The following SLC2A9 variants were observed in gnomAD, a reference collection of about 807,000 sequenced individuals.
SLC2A9 encodes solute carrier family 2, facilitated glucose transporter member 9.
In SLC2A9, 39 loss-of-function variants were observed where a neutral mutation model predicts 50.6. The ratio of observed to expected loss-of-function variants is 0.77; its 90% CI spans 0.60 to 1.01. The LOEUF (loss-of-function observed/expected upper bound fraction) is 1.01. SLC2A9 is among the 50% of genes least tolerant of loss of function. The probability of loss-of-function intolerance (pLI) is 0.00; values close to 1 mark genes in which losing one functional copy is unlikely to be tolerated. For synonymous variants in SLC2A9, 324 were observed against 276.9 expected, an observed-to-expected ratio of 1.17 and a Z score of -1.69; for missense variants, 686 against 677.6, an observed-to-expected ratio of 1.01 and a Z score of -0.14.
chr4:9,842,284 G>T (rs1428596169), intron 10 of SLC2A9, among the ~76,000 whole-genome samples: 1 of 152,152 alleles, frequency 6.6e-6, no homozygotes, highest in Non-Finnish European at 1.5e-5. Context: ...TAGGTGTGTA[G>T]GTGCTGCTCA....
At chr4:9,931,512 T>G (rs898638140) in intron 6 of SLC2A9, among the ~76,000 whole-genome samples, 1 of 152,122 alleles carries the variant, frequency 6.6e-6, no homozygotes, top group South Asian at 2.1e-4. Context: ...CCAGGCTTTG[T>G]GCGAGGTGTC....
At position 9,788,480 on chromosome 4, in the gene SLC2A9, C is replaced by A. The variant is rs559459388; in HGVS notation, n.386-8415G>T. Among the ~76,000 whole-genome samples the A allele has an allele frequency of 1.6e-4, 25 of 151,928 alleles. No homozygotes were observed. In the South Asian group the frequency reaches 2.7e-3, roughly 16 times the overall value. On this transcript the variant is annotated intron_variant and non_coding_transcript_variant, in intron 3 of 3. Coordinates refer to the SLC2A9 transcript ENST00000503803. ...TCCTGGGATTTACAGGCTTGAGTCA[C>A]CATGCCCAGCCCGGGTTTCTAGTTT...
intron 7 of SLC2A9, among the ~76,000 whole-genome samples, chr4:9,919,815 C>T: frequency 6.6e-6 from 1 of 152,202 alleles, no homozygotes; most frequent in Non-Finnish European, 1.5e-5. Context: ...CTCTGCCTCC[C>T]TAAGTCTCCA....
chr4:9,844,104 G>T (rs1728523783), intron 10 of SLC2A9, among the ~76,000 whole-genome samples: 1 of 133,214 alleles, frequency 7.5e-6, no homozygotes. Flanking sequence ...AGAGGGAAAT[G>T]TATTTGCTCA....
intron 6 of SLC2A9, among the ~76,000 whole-genome samples, chr4:9,923,316 T>C (rs1257892881): frequency 6.6e-6 from 1 of 152,222 alleles, no homozygotes; most frequent in African/African-American, 2.4e-5. Flanking sequence ...AATGACTCAG[T>C]GAGTTTAGGT....
chr4:10,024,931 T>C (rs1204972040), upstream of SLC2A9, among the ~76,000 whole-genome samples: 4 of 152,356 alleles, frequency 2.6e-5, no homozygotes, highest in African/African-American at 9.6e-5. Context: ...ACTCACCTAA[T>C]GTAAGCACCA....
intron 10 of SLC2A9, among the ~76,000 whole-genome samples, chr4:9,839,859 A>G (rs1727752346): frequency 1.3e-5 from 2 of 152,138 alleles, no homozygotes; most frequent in African/African-American, 4.8e-5. Flanking sequence ...CAGGAAAAAT[A>G]TTAATAACAA....
chr4:9,929,252 C>T (rs1336459261), intron 6 of SLC2A9, among the ~76,000 whole-genome samples: 1 of 152,258 alleles, frequency 6.6e-6, no homozygotes, highest in Non-Finnish European at 1.5e-5. Context: ...GGCAGTGACA[C>T]TGGATGCCCT....
intron 4 of SLC2A9, 47 bp from the exon 5 acceptor site, chr4:9,980,784 G>A (rs1470797695): frequency 6.2e-7 from 1 of 1,613,454 alleles, no homozygotes. Context: ...TCTTCCCGGG[G>A]GAGCTGCACT....
At chr4:9,952,059 CTGAA>C (rs1750386603) in intron 5 of SLC2A9, among the ~76,000 whole-genome samples, 1 of 152,200 alleles carries the variant, frequency 6.6e-6, no homozygotes, top group Non-Finnish European at 1.5e-5. Context: ...AGGTTGGGTC[CTGAA>C]CCCTGGTCCT....
intron 1 of SLC2A9, among the ~76,000 whole-genome samples, chr4:10,039,718 C>T (rs1764219840): frequency 6.6e-6 from 1 of 152,190 alleles, no homozygotes; most frequent in African/African-American, 2.4e-5. Flanking sequence ...TGACTGGTCT[C>T]ACCATGGCCC....
chr4:9,946,035 G>A (rs1472721691), intron 5 of SLC2A9, among the ~76,000 whole-genome samples: 2 of 152,186 alleles, frequency 1.3e-5, no homozygotes, highest in African/African-American at 2.4e-5. Context: ...ACCATGAGGC[G>A]CCACCAAACG....
chr4:9,957,519 C>A (rs1019076846), intron 5 of SLC2A9, among the ~76,000 whole-genome samples: 2 of 152,182 alleles, frequency 1.3e-5, no homozygotes, highest in Non-Finnish European at 2.9e-5. Flanking sequence ...ATAAAGCAAT[C>A]TGGAGCAAAG....
At chr4:9,826,661 A>T (rs1725186001) in intron 11 of SLC2A9, 61 bp from the exon 12 acceptor site, 4 of 1,474,364 alleles carry the variant, frequency 2.7e-6, no homozygotes, top group East Asian at 2.3e-5. Context: ...CTGTTAAACC[A>T]TCTCTACACA....
intron 2 of SLC2A9, among the ~76,000 whole-genome samples, chr4:10,003,931 A>T (rs6833878): frequency 0.28 from 42,689 of 151,926 alleles, 6,656 homozygotes; most frequent in African/African-American, 0.4. Flanking sequence ...ACTATTTGTT[A>T]CCTCTGTTTT....
intron 5 of SLC2A9, among the ~76,000 whole-genome samples, chr4:9,955,628 C>T (rs1182029991): frequency 2.0e-5 from 3 of 151,970 alleles, no homozygotes; most frequent in Non-Finnish European, 4.4e-5. Flanking sequence ...TTTTAATAAG[C>T]TTTCACTCCT....
At chr4:9,778,665 T>C (rs1401559034), downstream of SLC2A9, among the ~76,000 whole-genome samples, 1 of 152,198 alleles carries the variant, frequency 6.6e-6, no homozygotes, top group African/African-American at 2.4e-5. Context: ...GGTCTAATAA[T>C]GTATCCATTC....
rs538751369 is a variant in SLC2A9, at chr4:9,782,502, T to G, written n.386-2437A>C. On this transcript the variant is annotated intron_variant and non_coding_transcript_variant, in intron 3 of 3. Transcript: ENST00000503803. ...CGCAAGATGACTCAGCGCATGGCCT[T>G]GGTCATGGTCGGCCTGGCATGGACC... The G allele has an allele frequency of 1.1e-5, 17 of 1,613,868 alleles. No individual in the cohort carries two copies. The African/African-American group carries it at 1.7e-4, about 16-fold the overall frequency.
chr4:9,849,072 G>A (rs895725573), intron 10 of SLC2A9, among the ~76,000 whole-genome samples: 2 of 152,204 alleles, frequency 1.3e-5, no homozygotes, highest in African/African-American at 2.4e-5. Context: ...CCTGGGCTGC[G>A]ATGGGGAGGT....
Sources: allele counts gnomAD v4.1 joint callset (sites outside exome capture counted in the v4.1 genomes callset), GRCh38; gene constraint gnomAD v4.1.1; transcripts MANE v1.5; gene names NCBI Gene and HGNC (gene_info 2026-07-23, HGNC 2026-07-21).